TNFAIP8: variants seen among roughly 807,000 people sequenced by gnomAD.
TNFAIP8 encodes the protein TNF alpha induced protein 8.
TNFAIP8 carries 7 observed loss-of-function variants against 13.3 expected under a neutral mutation model. That is an observed-to-expected ratio of 0.52 (90% CI 0.30 to 0.99). The LOEUF (loss-of-function observed/expected upper bound fraction) is 0.99, where lower values mean the gene tolerates loss of function less well. TNFAIP8 is among the 50% of genes least tolerant of loss of function. TNFAIP8 has a pLI of 0.07. For synonymous variants in TNFAIP8, 94 were observed against 87.6 expected (o/e 1.07, Z -0.41); for missense variants, 258 against 236.9 (o/e 1.09, Z -0.58).
intron 1 of TNFAIP8, among the ~76,000 whole-genome samples, chr5:119,327,382 A>G (rs937093709): frequency 5.2e-4 from 79 of 152,324 alleles, no homozygotes; most frequent in African/African-American, 1.9e-3. Context: ...AGGGGAAAAA[A>G]TCAAAAGGAA....
intron 1 of TNFAIP8, among the ~76,000 whole-genome samples, chr5:119,287,525 C>T (rs561789011): frequency 3.0e-4 from 45 of 152,080 alleles, no homozygotes; most frequent in African/African-American, 8.2e-4. Context: ...TAACTATAGT[C>T]GCCGTGCTGT....
chr5:119,346,334 C>T (rs1272779241), intron 1 of TNFAIP8, among the ~76,000 whole-genome samples: 4 of 152,058 alleles, frequency 2.6e-5, no homozygotes, highest in East Asian at 1.9e-4. Flanking sequence ...AGGAGCCATG[C>T]GTGTTTGCAG....
chr5:119,363,357 A>G (rs1751704372), intron 1 of TNFAIP8, among the ~76,000 whole-genome samples: 1 of 152,216 alleles, frequency 6.6e-6, no homozygotes, highest in Non-Finnish European at 1.5e-5. Flanking sequence ...GAAAGAAGGC[A>G]TGTGGGGCCC....
chr5:119,288,522 C>T (rs1748877510), intron 1 of TNFAIP8, among the ~76,000 whole-genome samples: 1 of 152,212 alleles, frequency 6.6e-6, no homozygotes, highest in South Asian at 2.1e-4. Context: ...ATTAAATACA[C>T]ATCTTTAAGA....
intron 1 of TNFAIP8, among the ~76,000 whole-genome samples, chr5:119,318,575 C>T (rs1749965341): frequency 6.6e-6 from 1 of 152,164 alleles, no homozygotes; most frequent in Non-Finnish European, 1.5e-5. Flanking sequence ...AGATTACAGA[C>T]ATGAGCCACT....
At chr5:119,354,918 C>T (rs528980929), upstream of TNFAIP8, 3 of 160,560 alleles carry the variant, frequency 1.9e-5, no homozygotes, top group South Asian at 5.2e-4. Flanking sequence ...ATTTTTTTCT[C>T]ATAATTTCCA....
chr5:119,285,413 G>A lies in TNFAIP8; in HGVS notation c.1+16506G>A, dbSNP rs578156419. ...ATCCTGGGTCCCTGTGGGAAGGAGT[G>A]CTGACTGCCCCAGTGTGGAATGAGG... On this transcript the variant is annotated intron_variant, in intron 1 of 1. Coordinates refer to the TNFAIP8 transcript ENST00000274456. Among the ~76,000 whole-genome samples the A allele has an allele frequency of 9.4e-4, 143 of 152,104 alleles. 1 individual carries two copies. Among genetic ancestry groups the A allele is most frequent in the African/African-American group, 3.2e-3 (132 of 41,414 alleles).
At chr5:119,306,152 A>G (rs1306279779) in intron 1 of TNFAIP8, among the ~76,000 whole-genome samples, 2 of 152,192 alleles carry the variant, frequency 1.3e-5, no homozygotes, top group African/African-American at 4.8e-5. Context: ...AGAACAAGCT[A>G]TACCTTTTGG....
chr5:119,384,019 C>T (rs1018725956), intron 1 of TNFAIP8, among the ~76,000 whole-genome samples: 25 of 152,172 alleles, frequency 1.6e-4, no homozygotes, highest in Admixed American at 3.9e-4. Flanking sequence ...TTTTCTTAAG[C>T]TCATGTATTA....
intron 1 of TNFAIP8, among the ~76,000 whole-genome samples, chr5:119,280,531 T>C (rs1277260103): frequency 6.6e-6 from 1 of 152,154 alleles, no homozygotes; most frequent in Non-Finnish European, 1.5e-5. Context: ...TTCCTGTATC[T>C]GGATCCAGAG....
At chr5:119,272,401 T>C (rs899961232) in intron 1 of TNFAIP8, among the ~76,000 whole-genome samples, 1 of 152,190 alleles carries the variant, frequency 6.6e-6, no homozygotes, top group African/African-American at 2.4e-5. Flanking sequence ...CGTAAAGATG[T>C]CTGTTGATAA....
At chr5:119,339,574 T>G (rs988883296) in intron 1 of TNFAIP8, among the ~76,000 whole-genome samples, 1 of 151,562 alleles carries the variant, frequency 6.6e-6, no homozygotes, top group Non-Finnish European at 1.5e-5. Flanking sequence ...AAATGTCAGA[T>G]GCTATCAGGG....
intron 1 of TNFAIP8, among the ~76,000 whole-genome samples, chr5:119,293,247 TGTACA>T (rs1749054997): frequency 6.6e-6 from 1 of 152,178 alleles, no homozygotes; most frequent in South Asian, 2.1e-4. Flanking sequence ...AGTTTTCAAA[TGTACA>T]ATAGATTGTT....
intron 1 of TNFAIP8, 71 bp from the exon 2 acceptor site, chr5:119,392,745 T>G (rs1280768355): frequency 4.2e-6 from 6 of 1,441,238 alleles, no homozygotes; most frequent in Non-Finnish European, 9.1e-7. Context: ...CCCAAATACC[T>G]GTTTTTAGTT....
intron 1 of TNFAIP8, among the ~76,000 whole-genome samples, chr5:119,269,190 C>T (rs1022225776): frequency 6.6e-6 from 1 of 152,318 alleles, no homozygotes; most frequent in East Asian, 1.9e-4. Context: ...TCAGGGCGAC[C>T]TCTTAACCAC....
intron 1 of TNFAIP8, among the ~76,000 whole-genome samples, chr5:119,374,377 C>T (rs1752201418): frequency 1.3e-5 from 2 of 152,122 alleles, no homozygotes; most frequent in African/African-American, 4.8e-5. Flanking sequence ...AGATGCTCAA[C>T]CTGTACCGAT....
At chr5:119,355,554 T>A (rs905417492), upstream of TNFAIP8, 1 of 580,954 alleles carries the variant, frequency 1.7e-6, no homozygotes, top group Non-Finnish European at 3.1e-6. Flanking sequence ...AATTTTTGGG[T>A]TGCAAGACTC....
intron 1 of TNFAIP8, among the ~76,000 whole-genome samples, chr5:119,378,326 T>C (rs935901185): frequency 3.3e-5 from 5 of 152,220 alleles, no homozygotes; most frequent in Non-Finnish European, 5.9e-5. Flanking sequence ...GGTTTTTTTT[T>C]CCTAGAATTT....
At chr5:119,312,809 T>C (rs984040962) in intron 1 of TNFAIP8, among the ~76,000 whole-genome samples, 2 of 141,678 alleles carry the variant, frequency 1.4e-5, no homozygotes, top group African/African-American at 5.2e-5. Flanking sequence ...GTTGGGTAAC[T>C]ACAGTGAAAG....
Sources: gnomAD v4.1 joint callset for allele counts (sites outside exome capture counted in the v4.1 genomes callset) on GRCh38, gnomAD v4.1.1 for gene constraint, MANE v1.5 for transcripts, NCBI Gene and HGNC (gene_info 2026-07-23, HGNC 2026-07-21) for gene names.